The following KALRN variants were observed in gnomAD, a reference collection of about 807,000 sequenced individuals.
KALRN encodes the protein kalirin.
In KALRN, 70 loss-of-function variants were observed where a neutral mutation model predicts 353.7. The ratio of observed to expected loss-of-function variants is 0.20; its 90% confidence interval spans 0.16 to 0.24. The LOEUF (loss-of-function observed/expected upper bound fraction) is 0.24. Ranked by LOEUF, KALRN falls within the 10% of genes least tolerant of loss-of-function variation. The pLI is 1.00. For missense variants in KALRN, 2,791 were observed against 3,756.7 expected (o/e 0.74, Z 6.72); for synonymous variants, 1,391 against 1,434.8 (o/e 0.97, Z 0.69).
chr3:124,339,803 T>C (rs980991621), intron 9 of KALRN, among the ~76,000 whole-genome samples: 1 of 152,222 alleles, frequency 6.6e-6, no homozygotes, highest in African/African-American at 2.4e-5. Context: ...AGGATAATTC[T>C]TTAGTTTACC....
chr3:124,654,616 G>T (rs1371375508), intron 38 of KALRN, among the ~76,000 whole-genome samples: 3 of 152,120 alleles, frequency 2.0e-5, no homozygotes, highest in Non-Finnish European at 2.9e-5. Context: ...TTAGTGTCTG[G>T]ACAAAAGACA....
At chr3:124,118,201 G>T (rs988793805) in intron 1 of KALRN, among the ~76,000 whole-genome samples, 1 of 150,844 alleles carries the variant, frequency 6.6e-6, no homozygotes, top group Non-Finnish European at 1.5e-5. Flanking sequence ...TTCCATCTGT[G>T]CCTGGGCCAT....
chr3:124,151,135 G>A (rs1015798654), intron 1 of KALRN, among the ~76,000 whole-genome samples: 2 of 152,084 alleles, frequency 1.3e-5, no homozygotes, highest in Admixed American at 6.6e-5. Context: ...GAATAAAGCC[G>A]CTATGGATAC....
At chr3:124,584,640 C>T in intron 34 of KALRN, 1 of 1,411,310 alleles carries the variant, frequency 7.1e-7, no homozygotes, top group Non-Finnish European at 9.2e-7. Flanking sequence ...CTGGCCCCTC[C>T]CCGCTTCCCA....
intron 32 of KALRN, among the ~76,000 whole-genome samples, chr3:124,496,000 TATATATATATATACACAC>T (rs1392214588): frequency 0.08 from 4,486 of 56,412 alleles, 853 homozygotes; most frequent in African/African-American, 0.2. Flanking sequence ...TATATATATA[TATATATATATATACACAC>T]ACATATATAC....
intron 1 of KALRN, among the ~76,000 whole-genome samples, chr3:124,080,866 T>C (rs2060504808): frequency 6.6e-6 from 1 of 152,220 alleles, no homozygotes; most frequent in African/African-American, 2.4e-5. Flanking sequence ...TTGCCCATAG[T>C]ATAAGCATAT....
intron 1 of KALRN, among the ~76,000 whole-genome samples, chr3:124,141,419 T>C (rs75292075): frequency 0.05 from 7,617 of 152,270 alleles, 271 homozygotes; most frequent in Non-Finnish European, 0.081. Context: ...TATTTTCTGC[T>C]TTTTCTCATG....
At chr3:124,174,625 G>C (rs534506631) in intron 1 of KALRN, among the ~76,000 whole-genome samples, 1 of 152,108 alleles carries the variant, frequency 6.6e-6, no homozygotes, top group African/African-American at 2.4e-5. Flanking sequence ...GTCCTTAATC[G>C]CATCTGTCTC....
chr3:124,180,556 G>T (rs1488832022), intron 1 of KALRN, among the ~76,000 whole-genome samples: 1 of 152,190 alleles, frequency 6.6e-6, no homozygotes, highest in Non-Finnish European at 1.5e-5. Flanking sequence ...CCACTTATCA[G>T]CTGTGTGACC....
intron 1 of KALRN, among the ~76,000 whole-genome samples, chr3:124,211,353 A>G (rs2076880462): frequency 6.6e-6 from 1 of 152,244 alleles, no homozygotes; most frequent in Non-Finnish European, 1.5e-5. Flanking sequence ...TTTTAAAGCA[A>G]GAGATAACTT....
Position 124,707,394 on chromosome 3 carries a change from TTTCCTTCCTTCC to T in KALRN, c.8075+5319_8075+5330del, listed in dbSNP as rs368400674. On this transcript the variant is annotated intron_variant, in intron 57 of 59. Coordinates refer to ENST00000682506, the MANE Select transcript of KALRN (RefSeq NM_001388419.1). ...TGGCTAATGACAAGGAGAATAGCAG[TTTCCTTCCTTCC>T]TTCCTTCCTTCCTTCCTTCCTTCCT... Among the ~76,000 whole-genome samples the T allele has an allele frequency of 1.0e-2, 1,407 of 140,790 alleles. 14 individuals are homozygous for T. Among genetic ancestry groups the T allele is most frequent in the African/African-American group, 0.031 (1,170 of 38,008 alleles). The allele number at this position is 140,790 out of a possible 152,430, so 92.4% of individuals were successfully genotyped here.
chr3:124,486,708 A>G (rs796184693), intron 28 of KALRN, among the ~76,000 whole-genome samples: 10 of 152,374 alleles, frequency 6.6e-5, no homozygotes, highest in African/African-American at 2.4e-4. Flanking sequence ...CCACCAGTGC[A>G]GCTCCAAGCC....
intron 33 of KALRN, among the ~76,000 whole-genome samples, chr3:124,556,900 T>C (rs1577958682): frequency 6.6e-6 from 1 of 152,342 alleles, no homozygotes; most frequent in East Asian, 1.9e-4. Context: ...TTGATGATGT[T>C]CACACAGTTA....
chr3:124,691,686 A>C (rs182886718), intron 51 of KALRN, among the ~76,000 whole-genome samples: 73 of 152,342 alleles, frequency 4.8e-4, no homozygotes, highest in Non-Finnish European at 9.4e-4. Flanking sequence ...CACTGTTAAC[A>C]TTTAGAAAAT....
chr3:124,724,185 A>G lies in KALRN; in HGVS notation c.*4715A>G, dbSNP rs1388614769. On this transcript the variant is annotated 3_prime_UTR_variant, in exon 60 of 60. Coordinates refer to ENST00000682506, the MANE Select transcript of KALRN (RefSeq NM_001388419.1). Reference sequence around the variant, plus strand: ...GATTTGTGAGAATATGAGGGAGCAAATATGATATAAACTAAATTTTGCATT... The same window carrying G: ...GATTTGTGAGAATATGAGGGAGCAAGTATGATATAAACTAAATTTTGCATT... The G allele has an allele frequency of 1.3e-5, 2 of 152,158 alleles. No homozygotes were observed. Among genetic ancestry groups the G allele is most frequent in the East Asian group, 3.8e-4 (2 of 5,196 alleles). The allele number at this position is 152,158 out of a possible 1,614,324, so 9.4% of individuals were successfully genotyped here.
chr3:124,454,964 A>G (rs966417809), intron 21 of KALRN, among the ~76,000 whole-genome samples: 1 of 152,156 alleles, frequency 6.6e-6, no homozygotes, highest in Non-Finnish European at 1.5e-5. Flanking sequence ...CTGTAATATT[A>G]TGATTTCCTT....
intron 21 of KALRN, among the ~76,000 whole-genome samples, chr3:124,452,866 C>G (rs1022979558): frequency 1.3e-5 from 2 of 152,110 alleles, no homozygotes; most frequent in East Asian, 3.8e-4. Flanking sequence ...GTAGAGCTGC[C>G]CTAGTATGGC....
intron 21 of KALRN, among the ~76,000 whole-genome samples, chr3:124,453,233 G>C (rs1010071032): frequency 1.3e-5 from 2 of 152,176 alleles, no homozygotes; most frequent in Non-Finnish European, 2.9e-5. Context: ...TGGCTGAGGA[G>C]ATGTTTCGGC....
At chr3:124,165,074 C>T (rs1376869081) in intron 1 of KALRN, among the ~76,000 whole-genome samples, 4 of 152,158 alleles carry the variant, frequency 2.6e-5, no homozygotes, top group Non-Finnish European at 5.9e-5. Context: ...AACTGAGGAG[C>T]CAGAGGTCAG....
Sources: gnomAD v4.1 joint callset for allele counts (sites outside exome capture counted in the v4.1 genomes callset) on GRCh38, gnomAD v4.1.1 for gene constraint, MANE v1.5 for transcripts, NCBI Gene and HGNC (gene_info 2026-07-23, HGNC 2026-07-21) for gene names.